The following SMYD3 variants were observed in gnomAD, a reference collection of about 807,000 sequenced individuals.
SMYD3 encodes histone-lysine N-methyltransferase SMYD3.
A neutral mutation model predicts 57.7 loss-of-function variants in SMYD3; 36 were observed. The ratio of observed to expected loss-of-function variants is 0.62; its 90% CI spans 0.48 to 0.82. The LOEUF (loss-of-function observed/expected upper bound fraction) is 0.82. Among genes scored for constraint, SMYD3 ranks in the 40% least tolerant of loss-of-function variants. SMYD3 has a pLI of 0.00. For missense variants in SMYD3, 515 were observed against 538.8 expected (o/e 0.96, Z 0.44); for synonymous variants, 211 against 195.0 (o/e 1.08, Z -0.68).
Position 246,389,544 on chromosome 1 carries a change from C to A in SMYD3, c.165-34450G>T, listed in dbSNP as rs557036545. ...AAGCATTCATTCTTGAAAATCACCTCGAGGTTGAAGTCAGTTTCTAGAGGA... is the reference window on the plus strand; with the variant it reads ...AAGCATTCATTCTTGAAAATCACCTAGAGGTTGAAGTCAGTTTCTAGAGGA... On this transcript the variant is annotated intron_variant, in intron 1 of 11. Transcript: ENST00000490107. Among the ~76,000 whole-genome samples the A allele has an allele frequency of 1.8e-4, 9 of 49,960 alleles. 1 individual carries two copies. Among genetic ancestry groups the A allele is most frequent in the African/African-American group, 7.8e-4 (9 of 11,584 alleles). The allele number at this position is 49,960 out of a possible 152,430, so 32.8% of individuals were successfully genotyped here. A position where few individuals can be genotyped will look rare whatever the true frequency, so the allele number is the denominator to read the frequency against.
intron 5 of SMYD3, among the ~76,000 whole-genome samples, chr1:246,256,202 G>A (rs2063891025): frequency 1.3e-5 from 2 of 152,116 alleles, no homozygotes; most frequent in Non-Finnish European, 2.9e-5. Context: ...TGGGCTGGGA[G>A]GCTAGGCCTG....
intron 2 of SMYD3, among the ~76,000 whole-genome samples, chr1:246,340,776 A>C (rs2065620671): frequency 6.6e-6 from 1 of 152,192 alleles, no homozygotes; most frequent in Non-Finnish European, 1.5e-5. Flanking sequence ...TTCCACCCTA[A>C]GCAACATAGG....
At chr1:246,108,706 T>C (rs1298961439) in intron 5 of SMYD3, 1 of 152,246 alleles carries the variant, frequency 6.6e-6, no homozygotes, top group African/African-American at 2.4e-5. Context: ...TCCTGTTGTG[T>C]ACGGGATAAA....
chr1:246,416,695 T>C (rs2067067130), intron 1 of SMYD3, among the ~76,000 whole-genome samples: 1 of 151,668 alleles, frequency 6.6e-6, no homozygotes, highest in African/African-American at 2.4e-5. Context: ...GCTCAGAAAA[T>C]GATATCCTGA....
At chr1:246,491,417 G>A (rs535006281) in intron 1 of SMYD3, among the ~76,000 whole-genome samples, 2 of 152,182 alleles carry the variant, frequency 1.3e-5, no homozygotes, top group Admixed American at 1.3e-4. Context: ...GCGGACACCG[G>A]TAATTCCAGC....
chr1:246,165,238 G>T (rs2062187672), intron 5 of SMYD3, among the ~76,000 whole-genome samples: 1 of 151,840 alleles, frequency 6.6e-6, no homozygotes, highest in African/African-American at 2.4e-5. Flanking sequence ...GTGACAAGAA[G>T]TAAGAAAGTG....
At position 246,507,263 on chromosome 1, in the gene SMYD3, CG is replaced by C; in HGVS notation, c.-47del. On this transcript the variant is annotated 5_prime_UTR_variant, in exon 1 of 12. Coordinates refer to ENST00000490107, the MANE Select transcript of SMYD3 (RefSeq NM_001167740.2). Reference sequence around the variant, plus strand: ...TCAGACGGCTACCCGCGTCCAGCAGCGGGCGTCTCACGGGCTGCCGGGACCC... The same window carrying C: ...TCAGACGGCTACCCGCGTCCAGCAGCGGCGTCTCACGGGCTGCCGGGACCC... 2 of 1,451,320 alleles carry C rather than the reference CG, an allele frequency of 1.4e-6. No individual in the cohort carries two copies. Among genetic ancestry groups the C allele is most frequent in the Non-Finnish European group, 1.8e-6 (2 of 1,095,302 alleles). The allele number at this position is 1,451,320 out of a possible 1,614,324, so 89.9% of individuals were successfully genotyped here. A position where few individuals can be genotyped will look rare whatever the true frequency, so the allele number is the denominator to read the frequency against.
intron 5 of SMYD3, among the ~76,000 whole-genome samples, chr1:246,029,198 T>C (rs769426612): frequency 3.3e-5 from 5 of 152,070 alleles, no homozygotes; most frequent in Non-Finnish European, 5.9e-5. Flanking sequence ...CCAACAAAAA[T>C]AGACAAATGG....
At chr1:245,768,072 T>C (rs571277565) in intron 10 of SMYD3, among the ~76,000 whole-genome samples, 1 of 152,262 alleles carries the variant, frequency 6.6e-6, no homozygotes, top group South Asian at 2.1e-4. Flanking sequence ...GATTCAGAAA[T>C]AGAAACGCTT....
At chr1:246,418,288 AAGTAG>A (rs995668333) in intron 1 of SMYD3, among the ~76,000 whole-genome samples, 1 of 152,242 alleles carries the variant, frequency 6.6e-6, no homozygotes, top group African/African-American at 2.4e-5. Flanking sequence ...CATGAAGAGA[AAGTAG>A]AGTAAAGGTT....
intron 8 of SMYD3, among the ~76,000 whole-genome samples, chr1:245,888,967 T>A (rs1334105738): frequency 6.6e-6 from 1 of 152,102 alleles, no homozygotes; most frequent in Non-Finnish European, 1.5e-5. Flanking sequence ...TGCCACCAAT[T>A]CCCCAGCTTC....
At chr1:246,352,136 CAAAAAAAAAAAAAAAA>C (rs10581690) in intron 2 of SMYD3, among the ~76,000 whole-genome samples, 7 of 60,476 alleles carry the variant, frequency 1.2e-4, no homozygotes, top group African/African-American at 3.6e-4. Context: ...GACTCTGTCT[CAAAAAAAAAAAAAAAA>C]AAAAAAAAAA....
chr1:246,466,532 G>C (rs536998829), intron 1 of SMYD3, among the ~76,000 whole-genome samples: 12 of 152,302 alleles, frequency 7.9e-5, no homozygotes, highest in African/African-American at 2.6e-4. Context: ...CTTGAGGGTG[G>C]AGGTTGGAAG....
chr1:246,295,199 A>G (rs1425316156), intron 5 of SMYD3, among the ~76,000 whole-genome samples: 2 of 152,220 alleles, frequency 1.3e-5, no homozygotes, highest in South Asian at 2.1e-4. Flanking sequence ...CCACTCACGC[A>G]GTCCCTAGGT....
At chr1:245,756,273 A>G (rs933988335) in intron 11 of SMYD3, among the ~76,000 whole-genome samples, 11 of 151,444 alleles carry the variant, frequency 7.3e-5, no homozygotes, top group Non-Finnish European at 1.6e-4. Context: ...TTCCCTTTAC[A>G]TTTTACCCTC....
At chr1:245,899,501 C>T (rs1365440575) in intron 8 of SMYD3, among the ~76,000 whole-genome samples, 5 of 152,092 alleles carry the variant, frequency 3.3e-5, no homozygotes, top group Non-Finnish European at 7.4e-5. Context: ...GAGGATGGAA[C>T]GAATCCAGAG....
chr1:246,430,768 A>C (rs1455426925), intron 1 of SMYD3, among the ~76,000 whole-genome samples: 1 of 152,208 alleles, frequency 6.6e-6, no homozygotes, highest in African/African-American at 2.4e-5. Context: ...ACATTTTCTT[A>C]GGAGGATCTG....
intron 8 of SMYD3, among the ~76,000 whole-genome samples, chr1:245,866,107 A>G (rs1306417960): frequency 6.6e-6 from 1 of 152,222 alleles, no homozygotes; most frequent in Non-Finnish European, 1.5e-5. Flanking sequence ...AACCACTGCC[A>G]GAGTCAGTCT....
At chr1:246,505,968 G>T (rs541855306) in intron 1 of SMYD3, among the ~76,000 whole-genome samples, 1 of 152,332 alleles carries the variant, frequency 6.6e-6, no homozygotes, top group South Asian at 2.1e-4. Flanking sequence ...CATTACTTCA[G>T]AAAGCAACAG....
Sources: gnomAD v4.1 joint callset for allele counts (sites outside exome capture counted in the v4.1 genomes callset) on GRCh38, gnomAD v4.1.1 for gene constraint, MANE v1.5 for transcripts, NCBI Gene and HGNC (gene_info 2026-07-23, HGNC 2026-07-21) for gene names.